Variants in KLHL2 observed in about 807,000 individuals in gnomAD.
KLHL2 encodes kelch-like protein 2.
KLHL2 carries 15 observed loss-of-function variants against 75.8 expected under a neutral mutation model. The observed-to-expected ratio is 0.20, with a 90% CI of 0.13 to 0.30. The LOEUF is 0.30. Among genes scored for constraint, KLHL2 ranks in the 10% least tolerant of loss-of-function variants. The pLI is 1.00. For synonymous variants in KLHL2, 214 were observed against 251.9 expected (o/e 0.85, Z 1.42); for missense variants, 381 against 741.0 (o/e 0.51, Z 5.64).
intron 7 of KLHL2, among the ~76,000 whole-genome samples, chr4:165,298,986 C>T (rs1400801058): frequency 7.1e-6 from 1 of 140,162 alleles, no homozygotes; most frequent in Non-Finnish European, 1.5e-5. Flanking sequence ...AGAAGCCTGT[C>T]CTGCGTTTGA....
chr4:165,256,472 A>G lies in KLHL2; in HGVS notation c.382-6725A>G, dbSNP rs570380005. Among the ~76,000 whole-genome samples, 40 of 152,312 alleles carry G rather than the reference A, an allele frequency of 2.6e-4. No homozygotes were observed. In the Middle Eastern group the frequency reaches 0.02, roughly 78 times the overall value. On this transcript the variant is annotated intron_variant, in intron 4 of 14. Transcript: ENST00000226725. The stretch of plus-strand genomic sequence containing the variant: ...ACGTGTAGAGCCTGGTTACTGTTCT[A>G]CAAAACACTGGCTTGATGATCAAAG...
intron 5 of KLHL2, among the ~76,000 whole-genome samples, chr4:165,284,069 A>G (rs59639455): frequency 0.074 from 11,254 of 152,208 alleles, 868 homozygotes; most frequent in African/African-American, 0.2. Flanking sequence ...GGCTCAGCCT[A>G]TGAAACCACT....
intron 5 of KLHL2, among the ~76,000 whole-genome samples, chr4:165,271,900 C>G (rs1482946816): frequency 6.6e-6 from 1 of 152,114 alleles, no homozygotes; most frequent in Non-Finnish European, 1.5e-5. Context: ...CTTCAGTGTG[C>G]TTACTCTGAT....
intron 5 of KLHL2, among the ~76,000 whole-genome samples, chr4:165,264,619 T>C (rs1742001954): frequency 7.2e-6 from 1 of 138,752 alleles, no homozygotes; most frequent in Admixed American, 7.3e-5. Flanking sequence ...CACACACACG[T>C]ACGTATATAC....
chr4:165,305,523 C>G, intron 8 of KLHL2, 85 bp from the exon 9 acceptor site: 2 of 1,091,590 alleles, frequency 1.8e-6, no homozygotes, highest in Non-Finnish European at 1.4e-6. Context: ...CCTAACACTT[C>G]CCACACCAGT....
chr4:165,271,869 A>G (rs568583969), intron 5 of KLHL2, among the ~76,000 whole-genome samples: 43 of 152,294 alleles, frequency 2.8e-4, no homozygotes, highest in Non-Finnish European at 4.6e-4. Context: ...TTTCAAATGC[A>G]GGAGCCTTTT....
At position 165,276,605 on chromosome 4, in the gene KLHL2, T is replaced by TATG. The variant is rs201428027; in HGVS notation, c.544+13247_544+13249dup. On this transcript the variant is annotated intron_variant, in intron 5 of 14. Coordinates refer to ENST00000226725, the MANE Select transcript of KLHL2 (RefSeq NM_007246.4). ...AGCTAGATTAGGTGACTTCTTATAA[T>TATG]ATGTGACATTAAATATTTTGAGAAA... 8.1e-3 allele frequency among the ~76,000 whole-genome samples: 1,235 copies of TATG among 152,288 alleles called. 13 individuals are homozygous for TATG. Among genetic ancestry groups the TATG allele is most frequent in the African/African-American group, 0.028 (1,184 of 41,556 alleles).
chr4:165,315,479 G>C (rs1275161400), intron 13 of KLHL2, among the ~76,000 whole-genome samples: 5 of 152,170 alleles, frequency 3.3e-5, no homozygotes. Flanking sequence ...ATCAGGAAGA[G>C]AGAGAAATCT....
intron 11 of KLHL2, among the ~76,000 whole-genome samples, chr4:165,312,107 T>A (rs1746249285): frequency 6.6e-6 from 1 of 152,124 alleles, no homozygotes; most frequent in Non-Finnish European, 1.5e-5. Flanking sequence ...TCTGTGAGAA[T>A]CTAATGCCGC....
At chr4:165,267,432 G>A (rs1742324917) in intron 5 of KLHL2, among the ~76,000 whole-genome samples, 1 of 152,084 alleles carries the variant, frequency 6.6e-6, no homozygotes, top group African/African-American at 2.4e-5. Context: ...CATTCAGTAT[G>A]ATATTGGCTG....
intron 5 of KLHL2, among the ~76,000 whole-genome samples, chr4:165,276,784 A>AT (rs1033761667): frequency 6.6e-6 from 1 of 152,040 alleles, no homozygotes; most frequent in African/African-American, 2.4e-5. Flanking sequence ...TTATTTCTAT[A>AT]TTTTTTTCTA....
Position 165,279,900 on chromosome 4 carries a change from G to A in KLHL2, c.545-14459G>A, listed in dbSNP as rs919690954. ...GTATTTTGTTTCTCCTGCCATAAAC[G>A]CCTTCAGAATCTATACTGTTGGCTC... On this transcript the variant is annotated intron_variant, in intron 5 of 14. Transcript: ENST00000226725. Among the ~76,000 whole-genome samples the A allele has an allele frequency of 7.1e-4, 108 of 152,220 alleles. 1 individual carries two copies. The highest frequency in any genetic ancestry group is 6.0e-3 in the Admixed American group (91 of 15,292).
At chr4:165,305,534 G>A in intron 8 of KLHL2, 74 bp from the exon 9 acceptor site, 1 of 1,207,754 alleles carries the variant, frequency 8.3e-7, no homozygotes. Flanking sequence ...CCACACCAGT[G>A]TCTTTGTAGG....
chr4:165,230,056 GGTTGATCTGAAAA>G (rs1241829879), intron 3 of KLHL2, among the ~76,000 whole-genome samples: 11 of 152,278 alleles, frequency 7.2e-5, no homozygotes, highest in Non-Finnish European at 1.5e-4. Flanking sequence ...TGAGAGCTGA[GGTTGATCTGAAAA>G]GTCAATACCC....
At chr4:165,212,565 T>C (rs1737261503) in intron 1 of KLHL2, among the ~76,000 whole-genome samples, 1 of 152,218 alleles carries the variant, frequency 6.6e-6, no homozygotes, top group Non-Finnish European at 1.5e-5. Context: ...GCCCCTGCTT[T>C]TTATGATAGC....
chr4:165,217,139 C>G (rs939709833), intron 1 of KLHL2, among the ~76,000 whole-genome samples: 18 of 151,924 alleles, frequency 1.2e-4, no homozygotes, highest in African/African-American at 4.4e-4. Flanking sequence ...TTTTGCTAAT[C>G]CTCAGTATAA....
intron 5 of KLHL2, among the ~76,000 whole-genome samples, chr4:165,267,131 A>T (rs1488391749): frequency 1.3e-5 from 2 of 152,082 alleles, no homozygotes; most frequent in Non-Finnish European, 2.9e-5. Context: ...ATTGGTGTAT[A>T]GGAATGCTTG....
chr4:165,234,761 T>C lies in KLHL2; in HGVS notation c.260-4017T>C, dbSNP rs141312254. Among the ~76,000 whole-genome samples the C allele has an allele frequency of 4.0e-5, 6 of 151,478 alleles. No homozygotes were observed. The South Asian group carries it at 1.0e-3, about 26-fold the overall frequency. On this transcript the variant is annotated intron_variant, in intron 3 of 14. Transcript: ENST00000226725. Reference sequence around the variant, plus strand: ...TCCTGAGTAGCTGGGACTATAGGCATGCGAGATGGAAATGTTTTTAGCCAT... The same window carrying C: ...TCCTGAGTAGCTGGGACTATAGGCACGCGAGATGGAAATGTTTTTAGCCAT...
At chr4:165,245,887 T>C (rs1416647044) in intron 4 of KLHL2, among the ~76,000 whole-genome samples, 21 of 152,156 alleles carry the variant, frequency 1.4e-4, no homozygotes, top group Non-Finnish European at 2.9e-5. Flanking sequence ...GTATTGATCC[T>C]GATGAATTTC....
Sources: gnomAD v4.1 joint callset for allele counts (sites outside exome capture counted in the v4.1 genomes callset) on GRCh38, gnomAD v4.1.1 for gene constraint, MANE v1.5 for transcripts, NCBI Gene and HGNC (gene_info 2026-07-23, HGNC 2026-07-21) for gene names.